The following VAC14 variants were observed in gnomAD, a reference collection of about 807,000 sequenced individuals.
The protein encoded by VAC14 is VAC14 component of PIKFYVE complex, also known as protein VAC14 homolog.
A neutral mutation model predicts 85.3 loss-of-function variants in VAC14; 47 were observed. The ratio of observed to expected loss-of-function variants is 0.55; its 90% confidence interval spans 0.44 to 0.70. The LOEUF is 0.70. Among genes scored for constraint, VAC14 ranks in the 30% least tolerant of loss-of-function variants. VAC14 has a pLI of 0.00. For synonymous variants in VAC14, 447 were observed against 430.5 expected, an observed-to-expected ratio of 1.04 and a Z score of -0.47; for missense variants, 861 against 1,004.3, an observed-to-expected ratio of 0.86 and a Z score of 1.93.
chr16:70,768,966 A>ATTTT, intron 10 of VAC14: 1 of 215,886 alleles, frequency 4.6e-6, no homozygotes, highest in Non-Finnish European at 9.2e-6. Flanking sequence ...ACGCCTGGCT[A>ATTTT]TTTTTTTTTT....
intron 14 of VAC14, among the ~76,000 whole-genome samples, chr16:70,701,447 C>T (rs2053826605): frequency 6.6e-6 from 1 of 152,172 alleles, no homozygotes; most frequent in Non-Finnish European, 1.5e-5. Context: ...ACGAGTCATC[C>T]TGACCCCCAG....
chr16:70,758,921 G>C (rs1597953538), intron 12 of VAC14, among the ~76,000 whole-genome samples: 1 of 152,208 alleles, frequency 6.6e-6, no homozygotes, highest in South Asian at 2.1e-4. Context: ...AGGTGGTGCT[G>C]AGGAAACAGC....
chr16:70,794,896 C>T (rs2034479856), intron 1 of VAC14, among the ~76,000 whole-genome samples: 1 of 152,190 alleles, frequency 6.6e-6, no homozygotes, highest in Non-Finnish European at 1.5e-5. Context: ...ACATTTTGGT[C>T]AACAACAGAC....
At chr16:70,712,531 C>T (rs1017862139) in intron 14 of VAC14, among the ~76,000 whole-genome samples, 4 of 152,234 alleles carry the variant, frequency 2.6e-5, no homozygotes, top group East Asian at 3.9e-4. Context: ...GCTCAGGATC[C>T]GGAGGGAGAT....
chr16:70,757,521 C>G (rs2031970280), intron 12 of VAC14, among the ~76,000 whole-genome samples: 1 of 152,208 alleles, frequency 6.6e-6, no homozygotes, highest in African/African-American at 2.4e-5. Flanking sequence ...GAAGGCCAGT[C>G]CTGTGGCCCA....
intron 12 of VAC14, among the ~76,000 whole-genome samples, chr16:70,757,072 G>A (rs960182352): frequency 6.6e-6 from 1 of 152,190 alleles, no homozygotes; most frequent in Non-Finnish European, 1.5e-5. Flanking sequence ...TGAAGCTACG[G>A]GAGGGGGAAG....
intron 7 of VAC14, among the ~76,000 whole-genome samples, chr16:70,782,396 C>A (rs1598005753): frequency 6.6e-6 from 1 of 152,268 alleles, no homozygotes; most frequent in East Asian, 1.9e-4. Context: ...CTCACTTCTA[C>A]TGTCTGTCTT....
At chr16:70,707,350 T>C (rs2053940553) in intron 14 of VAC14, among the ~76,000 whole-genome samples, 1 of 151,618 alleles carries the variant, frequency 6.6e-6, no homozygotes, top group South Asian at 2.1e-4. Flanking sequence ...GGGAGTGGGG[T>C]GGGAGGAGGA....
At chr16:70,737,240 G>A (rs756657347) in intron 13 of VAC14, among the ~76,000 whole-genome samples, 13 of 152,236 alleles carry the variant, frequency 8.5e-5, no homozygotes, top group Non-Finnish European at 1.5e-4. Flanking sequence ...TGCTGCAGGC[G>A]CATGAGGAAA....
At chr16:70,754,731 C>T (rs972057935) in intron 12 of VAC14, among the ~76,000 whole-genome samples, 4 of 152,178 alleles carry the variant, frequency 2.6e-5, no homozygotes, top group Non-Finnish European at 5.9e-5. Flanking sequence ...GGCACCCCTC[C>T]ATTCTCTGGG....
intron 12 of VAC14, 154 bp from the exon 13 acceptor site, chr16:70,744,733 G>A (rs1349501288): frequency 2.0e-5 from 17 of 829,566 alleles, no homozygotes; most frequent in Non-Finnish European, 2.8e-5. Flanking sequence ...GCCACAGCTG[G>A]GGCATGCTCA....
intron 9 of VAC14, among the ~76,000 whole-genome samples, chr16:70,774,596 G>A (rs1191121652): frequency 2.0e-5 from 3 of 152,126 alleles, no homozygotes; most frequent in Non-Finnish European, 2.9e-5. Context: ...GTGATTGACC[G>A]CAGCACTCAG....
chr16:70,712,344 C>T (rs1260641428), intron 14 of VAC14, among the ~76,000 whole-genome samples: 1 of 152,182 alleles, frequency 6.6e-6, no homozygotes, highest in East Asian at 1.9e-4. Context: ...GGCCTGCTCC[C>T]TCCACTCCCC....
At chr16:70,798,451 T>C (rs1396912337) in intron 1 of VAC14, among the ~76,000 whole-genome samples, 1 of 152,240 alleles carries the variant, frequency 6.6e-6, no homozygotes, top group East Asian at 1.9e-4. Context: ...ATATCCTATG[T>C]GTACCTGACA....
chr16:70,740,000 G>A (rs1305390032), intron 13 of VAC14, among the ~76,000 whole-genome samples: 1 of 152,064 alleles, frequency 6.6e-6, no homozygotes, highest in Non-Finnish European at 1.5e-5. Flanking sequence ...TCGCTCTGTT[G>A]CCCAGGCTAG....
chr16:70,749,560 G>C (rs2031206080), intron 12 of VAC14, among the ~76,000 whole-genome samples: 1 of 152,250 alleles, frequency 6.6e-6, no homozygotes, highest in Non-Finnish European at 1.5e-5. Context: ...GTGTGCGCTT[G>C]TGCGCACAGA....
At chr16:70,697,491 A>G (rs2053737637) in intron 15 of VAC14, among the ~76,000 whole-genome samples, 1 of 152,210 alleles carries the variant, frequency 6.6e-6, no homozygotes, top group African/African-American at 2.4e-5. Flanking sequence ...GGTGGCTGCG[A>G]GGGCCTGGCT....
chr16:70,760,037 G>A (rs527662724), intron 12 of VAC14, among the ~76,000 whole-genome samples: 1 of 152,176 alleles, frequency 6.6e-6, no homozygotes, highest in Non-Finnish European at 1.5e-5. Flanking sequence ...AGGGTCTAGC[G>A]CGATTCCTCC....
intron 13 of VAC14, 138 bp from the exon 14 acceptor site, chr16:70,731,765 C>G (rs1483921989): frequency 2.1e-6 from 2 of 965,086 alleles, no homozygotes; most frequent in Admixed American, 5.4e-5. Context: ...GGGAAAATCT[C>G]TAATCAAGAG....
Sources: allele counts gnomAD v4.1 joint callset (sites outside exome capture counted in the v4.1 genomes callset), GRCh38; gene constraint gnomAD v4.1.1; transcripts MANE v1.5; gene names NCBI Gene and HGNC (gene_info 2026-07-23, HGNC 2026-07-21).